Variants in GPC4 observed in about 807,000 individuals in gnomAD.
The protein encoded by GPC4 is glypican-4.
A neutral mutation model predicts 35.0 loss-of-function variants in GPC4; 10 were observed. The observed-to-expected ratio is 0.29, with a 90% CI of 0.18 to 0.48. GPC4 has a LOEUF of 0.48. Ranked by LOEUF, GPC4 falls within the 20% of genes least tolerant of loss-of-function variation. The pLI is 0.99. For missense variants in GPC4, 322 were observed against 451.3 expected (o/e 0.71, Z 2.60); for synonymous variants, 167 against 170.2 (o/e 0.98, Z 0.15).
intron 2 of GPC4, among the ~76,000 whole-genome samples, chrX:133,325,775 C>G (rs2068389819): frequency 8.9e-6 from 1 of 112,209 alleles, no homozygotes; most frequent in African/African-American, 3.2e-5. Flanking sequence ...AAACCATTCT[C>G]TTCTCACATT....
At chrX:133,372,221 C>CT (rs1204516263) in intron 1 of GPC4, among the ~76,000 whole-genome samples, 5 of 53,883 alleles carry the variant, frequency 9.3e-5, no homozygotes, top group African/African-American at 1.3e-4. Context: ...GCGACTCCGT[C>CT]TTTAAAAAAA....
At chrX:133,356,557 T>A (rs1365887561) in intron 1 of GPC4, among the ~76,000 whole-genome samples, 1 of 111,401 alleles carries the variant, frequency 9.0e-6, no homozygotes, top group African/African-American at 3.3e-5. Flanking sequence ...GAATTCTTAC[T>A]TAGTTCCTAA....
At chrX:133,328,967 G>A (rs761337280) in intron 2 of GPC4, among the ~76,000 whole-genome samples, 1 of 111,878 alleles carries the variant, frequency 8.9e-6, no homozygotes, top group African/African-American at 3.2e-5. Context: ...TGTGATCAGC[G>A]TTTATTTCCC....
At chrX:133,304,593 G>A (rs1401036087) in intron 7 of GPC4, 132 bp downstream of exon 7, 2 of 714,415 alleles carry the variant, frequency 2.8e-6, no homozygotes, top group Non-Finnish European at 4.2e-6. Flanking sequence ...ACACCTAGAA[G>A]CCTTCCATGT....
chrX:133,305,705 A>C, intron 6 of GPC4, 67 bp downstream of exon 6: 1 of 1,173,910 alleles, frequency 8.5e-7, no homozygotes, highest in Non-Finnish European at 1.1e-6. Context: ...CCAGCTAAAA[A>C]TTCATTTTGA....
chrX:133,301,312 G>A lies in GPC4; in HGVS notation c.*1555C>T, dbSNP rs891697791. 8.8e-6 allele frequency: 1 copy of A among 113,145 alleles called. No individual in the cohort carries two copies. Among genetic ancestry groups the A allele is most frequent in the African/African-American group, 3.2e-5 (1 of 31,103 alleles). 9.3% of individuals were successfully genotyped at this position (113,145 alleles called of 1,213,427 possible). ...AAAATTAGTTGGGATCTTAATGGCT[G>A]TCTAAAGCAGGAAGAGACAGAATTT... On this transcript the variant is annotated 3_prime_UTR_variant, in exon 9 of 9. Transcript: ENST00000370828.
chrX:133,413,078 A>G (rs5977872), intron 1 of GPC4, among the ~76,000 whole-genome samples: 50,967 of 111,580 alleles, frequency 0.46, 10,178 homozygotes, highest in African/African-American at 0.79. Flanking sequence ...GGGCACAAAG[A>G]CCCCAGGTTT....
At chrX:133,408,504 C>T (rs1166528381) in intron 1 of GPC4, among the ~76,000 whole-genome samples, 1 of 110,344 alleles carries the variant, frequency 9.1e-6, no homozygotes, top group Non-Finnish European at 1.9e-5. Context: ...TTTGGGAGGC[C>T]GAGGTGGATC....
At chrX:133,353,536 T>C (rs1286690700) in intron 1 of GPC4, among the ~76,000 whole-genome samples, 1 of 111,778 alleles carries the variant, frequency 8.9e-6, no homozygotes, top group East Asian at 2.8e-4. Flanking sequence ...TTTTTGGTAA[T>C]GGGCCAACTG....
intron 2 of GPC4, among the ~76,000 whole-genome samples, chrX:133,326,744 C>A (rs1016437205): frequency 8.9e-6 from 1 of 112,265 alleles, no homozygotes; most frequent in African/African-American, 3.2e-5. Flanking sequence ...AAATTTATTG[C>A]ATTCCTAGGA....
At position 133,366,240 on chromosome X, in the gene GPC4, CAT is replaced by C. The variant is rs766534381; in HGVS notation, c.161-26901_161-26900del. The stretch of plus-strand genomic sequence containing the variant: ...AAATGTTATTACATAATGGCACACA[CAT>C]GTTTTCAATGGTTCAGTTCTGTGAT... On this transcript the variant is annotated intron_variant, in intron 1 of 8. Coordinates refer to ENST00000370828, the MANE Select transcript of GPC4 (RefSeq NM_001448.3). Among the ~76,000 whole-genome samples the C allele has an allele frequency of 8.2e-4, 92 of 112,483 alleles. 1 individual carries two copies. The highest frequency in any genetic ancestry group is 2.8e-3 in the African/African-American group (86 of 30,982).
intron 1 of GPC4, among the ~76,000 whole-genome samples, chrX:133,394,162 A>T (rs187686448): frequency 9.1e-6 from 1 of 109,708 alleles, no homozygotes; most frequent in Non-Finnish European, 1.9e-5. Context: ...TCCCACATAC[A>T]TGGGAGGCTG....
intron 1 of GPC4, among the ~76,000 whole-genome samples, chrX:133,402,230 C>T (rs951374426): frequency 2.0e-4 from 22 of 111,406 alleles, no homozygotes; most frequent in African/African-American, 7.2e-4. Flanking sequence ...AACACCAGAC[C>T]GAAAACTCAA....
intron 1 of GPC4, among the ~76,000 whole-genome samples, chrX:133,395,609 G>A (rs895964241): frequency 2.7e-5 from 3 of 111,934 alleles, no homozygotes; most frequent in Non-Finnish European, 3.8e-5. Flanking sequence ...GGGCAACAGA[G>A]TGAGACTCCA....
intron 1 of GPC4, among the ~76,000 whole-genome samples, chrX:133,394,370 T>TCC (rs1360515113): frequency 9.0e-6 from 1 of 111,076 alleles, no homozygotes; most frequent in Non-Finnish European, 1.9e-5. Context: ...TGTTATTCTA[T>TCC]CATCTCTTCA....
intron 3 of GPC4, among the ~76,000 whole-genome samples, chrX:133,323,890 C>T (rs1446424950): frequency 9.0e-6 from 1 of 110,988 alleles, no homozygotes; most frequent in Non-Finnish European, 1.9e-5. Context: ...CATATATTCC[C>T]CCTTCTAAGA....
intron 3 of GPC4, among the ~76,000 whole-genome samples, chrX:133,319,625 T>A: frequency 9.1e-6 from 1 of 109,908 alleles, no homozygotes; most frequent in Middle Eastern, 4.7e-3. Flanking sequence ...AATGTTCATT[T>A]CTTGGGTTGT....
At position 133,301,381 on chromosome X, in the gene GPC4, G is replaced by T. The variant is rs1263916353; in HGVS notation, c.*1486C>A. On this transcript the variant is annotated 3_prime_UTR_variant, in exon 9 of 9. Coordinates refer to ENST00000370828, the MANE Select transcript of GPC4 (RefSeq NM_001448.3). ...CTGGGAACTCCTTTGAAAGTGATTT[G>T]TTACATTATCAGAGTTTTATGAGCT... 8.9e-6 allele frequency: 1 copy of T among 112,665 alleles called. No individual in the cohort carries two copies. The highest frequency in any genetic ancestry group is 2.8e-4 in the East Asian group (1 of 3,580). 9.3% of individuals were successfully genotyped at this position (112,665 alleles called of 1,213,427 possible).
chrX:133,402,924 A>G (rs769035934), intron 1 of GPC4, among the ~76,000 whole-genome samples: 177 of 108,312 alleles, frequency 1.6e-3, no homozygotes, highest in African/African-American at 5.2e-3. Flanking sequence ...AAAAAAAAAA[A>G]AAAGAAAGAA....
Sources: gnomAD v4.1 joint callset for allele counts (sites outside exome capture counted in the v4.1 genomes callset) on GRCh38, gnomAD v4.1.1 for gene constraint, MANE v1.5 for transcripts, NCBI Gene and HGNC (gene_info 2026-07-23, HGNC 2026-07-21) for gene names.